The following RALGPS1 variants were observed in gnomAD, a reference collection of about 807,000 sequenced individuals.
RALGPS1 encodes the protein ras-specific guanine nucleotide-releasing factor RalGPS1.
Under a neutral mutation model 78.8 loss-of-function variants are expected in RALGPS1, and 19 were observed. That is an observed-to-expected ratio of 0.24 (90% CI 0.17 to 0.35). The LOEUF (loss-of-function observed/expected upper bound fraction) is 0.35. Among genes scored for constraint, RALGPS1 ranks in the 10% least tolerant of loss-of-function variants. The pLI is 1.00. For missense variants in RALGPS1, 454 were observed against 688.3 expected (o/e 0.66, Z 3.81); for synonymous variants, 228 against 256.3 (o/e 0.89, Z 1.06).
chr9:126,956,441 A>G (rs1310556236), intron 1 of RALGPS1, among the ~76,000 whole-genome samples: 1 of 152,146 alleles, frequency 6.6e-6, no homozygotes, highest in East Asian at 1.9e-4. Context: ...CGCTGCCCAT[A>G]AATTCGGCCA....
At chr9:126,923,324 G>T (rs865952264) in intron 1 of RALGPS1, among the ~76,000 whole-genome samples, 10 of 152,336 alleles carry the variant, frequency 6.6e-5, no homozygotes, top group Middle Eastern at 6.8e-3. Context: ...CCAAGATGTA[G>T]CTGTGAGAGA....
At chr9:127,110,417 T>C (rs2054683646) in intron 8 of RALGPS1, among the ~76,000 whole-genome samples, 1 of 152,202 alleles carries the variant, frequency 6.6e-6, no homozygotes, top group African/African-American at 2.4e-5. Context: ...CTGTCCTTTC[T>C]CTACTGTTGA....
At chr9:127,104,289 T>C (rs969512301) in intron 8 of RALGPS1, among the ~76,000 whole-genome samples, 1 of 152,058 alleles carries the variant, frequency 6.6e-6, no homozygotes, top group African/African-American at 2.4e-5. Context: ...CCCTGATCAG[T>C]CTCTGGGATG....
At chr9:127,154,753 A>G (rs1362283517) in intron 8 of RALGPS1, among the ~76,000 whole-genome samples, 1 of 152,226 alleles carries the variant, frequency 6.6e-6, no homozygotes, top group African/African-American at 2.4e-5. Context: ...CAGTGTGGTC[A>G]CAGATACGCG....
At chr9:126,996,246 G>T (rs1177263620) in intron 4 of RALGPS1, among the ~76,000 whole-genome samples, 24 of 151,940 alleles carry the variant, frequency 1.6e-4, no homozygotes, top group African/African-American at 5.3e-4. Context: ...TCCAGGAGCT[G>T]GTTTTTTTGA....
At chr9:127,201,069 G>A (rs1177855153) in intron 14 of RALGPS1, among the ~76,000 whole-genome samples, 1 of 152,240 alleles carries the variant, frequency 6.6e-6, no homozygotes, top group East Asian at 1.9e-4. Context: ...AGAGCTTCTA[G>A]GAAGGAGGGT....
At chr9:127,086,042 G>A (rs1252915098) in intron 8 of RALGPS1, among the ~76,000 whole-genome samples, 1 of 152,076 alleles carries the variant, frequency 6.6e-6, no homozygotes, top group Non-Finnish European at 1.5e-5. Context: ...CCTCATTTCC[G>A]CCTCTTTTGT....
chr9:126,929,309 G>A (rs1247036907), intron 1 of RALGPS1, among the ~76,000 whole-genome samples: 2 of 152,230 alleles, frequency 1.3e-5, no homozygotes, highest in African/African-American at 4.8e-5. Flanking sequence ...GATAGAAAAT[G>A]AAAAGGTACA....
chr9:126,949,086 A>G (rs1303101900), intron 1 of RALGPS1, among the ~76,000 whole-genome samples: 1 of 151,486 alleles, frequency 6.6e-6, no homozygotes, highest in African/African-American at 2.4e-5. Context: ...TGTCCTTGCG[A>G]TAGTTTACTG....
intron 4 of RALGPS1, among the ~76,000 whole-genome samples, chr9:127,001,208 A>T (rs1313122658): frequency 6.6e-6 from 1 of 150,964 alleles, no homozygotes; most frequent in African/African-American, 2.4e-5. Context: ...GATCACTTGA[A>T]CCCAGGAGGT....
chr9:126,947,112 C>T (rs577833066), intron 1 of RALGPS1, among the ~76,000 whole-genome samples: 31 of 152,284 alleles, frequency 2.0e-4, no homozygotes, highest in African/African-American at 7.5e-4. Context: ...CATTGCCTCC[C>T]CTTCAAATTG....
At chr9:126,980,786 C>G (rs901197595) in intron 4 of RALGPS1, among the ~76,000 whole-genome samples, 1 of 152,222 alleles carries the variant, frequency 6.6e-6, no homozygotes, top group South Asian at 2.1e-4. Context: ...CCCTAGAGCT[C>G]AAGCTCTCAG....
chr9:127,052,278 C>A (rs958173561), intron 6 of RALGPS1, among the ~76,000 whole-genome samples: 23 of 152,228 alleles, frequency 1.5e-4, no homozygotes, highest in African/African-American at 5.3e-4. Flanking sequence ...TCTGCACTTA[C>A]ACTCGACTGT....
chr9:127,072,471 TC>T (rs1400004079), intron 8 of RALGPS1, among the ~76,000 whole-genome samples: 41 of 152,362 alleles, frequency 2.7e-4, no homozygotes, highest in African/African-American at 9.6e-4. Context: ...TGCCTTGGCC[TC>T]CCGATATCCA....
In RALGPS1 at chr9:127,069,256, C is replaced by T. The variant is rs749748361; in HGVS notation, c.510C>T (p.Thr170=). Residue 170 remains threonine (T), a synonymous_variant, in exon 8 of 19, where the codon ACC becomes ACT. Coordinates refer to ENST00000259351, the MANE Select transcript of RALGPS1 (RefSeq NM_014636.3). ...WALLNRKDKT[T]FEKLDYLMSK... is the part of the protein sequence containing the mutation. Reference sequence around the variant, plus strand: ...TTTTAAATCGAAAAGACAAGACTACCTTTGAGAAATTGGACTACCTGATGT... The same window carrying T: ...TTTTAAATCGAAAAGACAAGACTACTTTTGAGAAATTGGACTACCTGATGT... The T allele has an allele frequency of 1.2e-6, 2 of 1,610,844 alleles. No homozygotes were observed. Among genetic ancestry groups the T allele is most frequent in the Admixed American group, 1.7e-5 (1 of 59,916 alleles).
At chr9:127,090,022 A>C (rs114466746) in intron 8 of RALGPS1, among the ~76,000 whole-genome samples, 12,419 of 152,210 alleles carry the variant, frequency 0.082, 1,671 homozygotes, top group African/African-American at 0.28. Context: ...AGGAGGTCGC[A>C]CTCAGTCTGA....
rs1248592348 is a variant in RALGPS1, at chr9:127,212,846, G to A, written c.1447-98G>A. On this transcript the variant is annotated intron_variant, in intron 16 of 18. Transcript: ENST00000259351. The surrounding 1 kb of genome is among the most constrained non-coding windows in gnomAD (Gnocchi z 6.0). The stretch of plus-strand genomic sequence containing the variant: ...TGCGGAGGATGCAGGTGGGAAGGCG[G>A]CAGGGGAGGGAGGAAGCCTTGCCTG... 3.2e-6 allele frequency: 5 copies of A among 1,576,520 alleles called. No homozygotes were observed. Among genetic ancestry groups the A allele is most frequent in the Non-Finnish European group, 4.3e-6 (5 of 1,155,300 alleles).
intron 11 of RALGPS1, among the ~76,000 whole-genome samples, chr9:127,179,415 C>T (rs1311561356): frequency 6.6e-6 from 1 of 152,118 alleles, no homozygotes; most frequent in Non-Finnish European, 1.5e-5. Flanking sequence ...GACTGAGCTG[C>T]GTGGCAGGAG....
chr9:127,081,878 G>T (rs1412632101), intron 8 of RALGPS1, among the ~76,000 whole-genome samples: 1 of 152,270 alleles, frequency 6.6e-6, no homozygotes, highest in African/African-American at 2.4e-5. Flanking sequence ...ATGTGGCAGC[G>T]CTGTGGGAAT....
Sources: allele counts gnomAD v4.1 joint callset (sites outside exome capture counted in the v4.1 genomes callset), GRCh38; gene constraint gnomAD v4.1.1; non-coding constraint Gnocchi (gnomAD v3.1); transcripts MANE v1.5; gene names NCBI Gene and HGNC (gene_info 2026-07-23, HGNC 2026-07-21).